The following LDLRAD4 variants were observed in gnomAD, a reference collection of about 807,000 sequenced individuals.
The protein encoded by LDLRAD4 is low-density lipoprotein receptor class A domain-containing protein 4.
LDLRAD4 carries 5 observed loss-of-function variants against 17.0 expected under a neutral mutation model. That is an observed-to-expected ratio of 0.29 (90% CI 0.15 to 0.62). The LOEUF (loss-of-function observed/expected upper bound fraction) is 0.62, where lower values mean the gene tolerates loss of function less well. Among genes scored for constraint, LDLRAD4 ranks in the 20% least tolerant of loss-of-function variants. LDLRAD4 has a pLI of 0.84. For synonymous variants in LDLRAD4, 168 were observed against 171.8 expected, an observed-to-expected ratio of 0.98 and a Z score of 0.17; for missense variants, 340 against 424.7, an observed-to-expected ratio of 0.80 and a Z score of 1.75.
At chr18:13,485,940 G>A (rs948474723) in intron 3 of LDLRAD4, among the ~76,000 whole-genome samples, 1 of 152,226 alleles carries the variant, frequency 6.6e-6, no homozygotes, top group African/African-American at 2.4e-5. Context: ...GGAAGCATCA[G>A]CTGTGGTTAA....
chr18:13,536,139 A>G (rs2094198119), intron 3 of LDLRAD4, among the ~76,000 whole-genome samples: 1 of 152,144 alleles, frequency 6.6e-6, no homozygotes, highest in African/African-American at 2.4e-5. Context: ...TTTCCTTTAC[A>G]TAGAAATTTT....
chr18:13,267,870 C>G (rs962429864), intron 1 of LDLRAD4, among the ~76,000 whole-genome samples: 10 of 152,188 alleles, frequency 6.6e-5, no homozygotes, highest in Non-Finnish European at 2.9e-5. Flanking sequence ...GTAACATGGG[C>G]AGACCAATGC....
chr18:13,525,030 C>T (rs979712493), intron 3 of LDLRAD4, among the ~76,000 whole-genome samples: 12 of 152,198 alleles, frequency 7.9e-5, no homozygotes, highest in African/African-American at 2.2e-4. Flanking sequence ...TGGGAGTGTG[C>T]GTGCGCCTTT....
chr18:13,440,498 G>T lies in LDLRAD4; in HGVS notation c.181+2114G>T, dbSNP rs531053338. Among the ~76,000 whole-genome samples the T allele has an allele frequency of 1.0e-3, 154 of 152,264 alleles. No individual in the cohort carries two copies. The highest frequency in any genetic ancestry group is 1.7e-3 in the Non-Finnish European group (117 of 68,022). ...CTGTTCAGATATGACTAGAACTTTTGTCTTTATAGCTAAAATGGGATATTA... is the reference window on the plus strand; with the variant it reads ...CTGTTCAGATATGACTAGAACTTTTTTCTTTATAGCTAAAATGGGATATTA... On this transcript the variant is annotated intron_variant, in intron 3 of 5. Transcript: ENST00000359446. This position sits in a 1 kb window ranked among gnomAD's most constrained non-coding sequence, Gnocchi z 4.4.
At chr18:13,348,055 G>A (rs984606609) in intron 1 of LDLRAD4, among the ~76,000 whole-genome samples, 2 of 152,156 alleles carry the variant, frequency 1.3e-5, no homozygotes, top group Non-Finnish European at 2.9e-5. Flanking sequence ...ATCGTCTGAA[G>A]CCTTCTTTTC....
At position 13,224,379 on chromosome 18, in the gene LDLRAD4, G is replaced by T. The variant is rs1274482662; in HGVS notation, c.-467+5391G>T. Among the ~76,000 whole-genome samples, 5 of 152,126 alleles carry T rather than the reference G, an allele frequency of 3.3e-5. No individual in the cohort carries two copies. The East Asian group carries it at 5.8e-4, about 18-fold the overall frequency. On this transcript the variant is annotated intron_variant, in intron 1 of 5. Coordinates refer to the LDLRAD4 transcript ENST00000399848. ...GAGCAGCTAACTGCCTGGGTCTGGG[G>T]GTGTGTGCTGGGAATGCCCCCACCA...
At chr18:13,531,055 G>A (rs1290500015) in intron 3 of LDLRAD4, among the ~76,000 whole-genome samples, 3 of 152,148 alleles carry the variant, frequency 2.0e-5, no homozygotes, top group Non-Finnish European at 4.4e-5. Flanking sequence ...AGGCTGGTCC[G>A]CTTGCTGGCT....
At chr18:13,299,371 A>G (rs1358886127) in intron 1 of LDLRAD4, among the ~76,000 whole-genome samples, 1 of 152,212 alleles carries the variant, frequency 6.6e-6, no homozygotes, top group African/African-American at 2.4e-5. Context: ...GGTAGCATCT[A>G]TCCTCTGCCT....
At chr18:13,366,998 C>T (rs1410755902) in intron 1 of LDLRAD4, among the ~76,000 whole-genome samples, 3 of 152,202 alleles carry the variant, frequency 2.0e-5, no homozygotes, top group Non-Finnish European at 4.4e-5. Flanking sequence ...GACTTCTGGA[C>T]AGGCAGTGCT....
At chr18:13,428,895 CA>C (rs2090133608) in intron 2 of LDLRAD4, among the ~76,000 whole-genome samples, 1 of 152,094 alleles carries the variant, frequency 6.6e-6, no homozygotes, top group Non-Finnish European at 1.5e-5. Context: ...ATACATTCCA[CA>C]AGGATATGTT....
Position 13,431,607 on chromosome 18 carries a change from A to T in LDLRAD4, c.41-6637A>T, listed in dbSNP as rs1416415095. Among the ~76,000 whole-genome samples, 3 of 152,170 alleles carry T rather than the reference A, an allele frequency of 2.0e-5. No homozygotes were observed. The East Asian group carries it at 5.8e-4, about 29-fold the overall frequency. On this transcript the variant is annotated intron_variant, in intron 2 of 5. Coordinates refer to ENST00000359446, the Ensembl canonical transcript of LDLRAD4. ...GTTGCATGTTTCACTTATGGTTCTC[A>T]TAGAATTTGAGACCCATTAAAATCA...
intron 3 of LDLRAD4, chr18:13,515,983 A>C (rs997084498): frequency 6.6e-6 from 1 of 151,998 alleles, no homozygotes; most frequent in African/African-American, 2.4e-5. Flanking sequence ...TGGCTAATTA[A>C]AAATTTTTTT....
At chr18:13,232,142 C>T (rs549900566) in intron 1 of LDLRAD4, among the ~76,000 whole-genome samples, 57 of 152,364 alleles carry the variant, frequency 3.7e-4, no homozygotes, top group African/African-American at 1.1e-3. Flanking sequence ...GAGTGTGGCG[C>T]GAGTACGGTG....
chr18:13,322,776 C>T lies in LDLRAD4; in HGVS notation c.-383+44588C>T, dbSNP rs569472886. Among the ~76,000 whole-genome samples, 23 of 144,186 alleles carry T rather than the reference C, an allele frequency of 1.6e-4. No individual in the cohort carries two copies. The South Asian group carries it at 5.0e-3, about 31-fold the overall frequency. 94.6% of individuals were successfully genotyped at this position (144,186 alleles called of 152,430 possible). On this transcript the variant is annotated intron_variant, in intron 1 of 5. Transcript: ENST00000359446. Reference sequence around the variant, plus strand: ...GGGACTACAGGTATACACCACCATACATGGCTAATTTTTTTTTTTTTTTTT... The same window carrying T: ...GGGACTACAGGTATACACCACCATATATGGCTAATTTTTTTTTTTTTTTTT...
At chr18:13,407,385 T>G (rs2087865172) in intron 2 of LDLRAD4, among the ~76,000 whole-genome samples, 1 of 152,212 alleles carries the variant, frequency 6.6e-6, no homozygotes, top group Admixed American at 6.5e-5. Context: ...CTACCCAGTG[T>G]TATAGAATGC....
At chr18:13,579,297 T>TAAACA (rs1568363876) in intron 3 of LDLRAD4, among the ~76,000 whole-genome samples, 1 of 152,348 alleles carries the variant, frequency 6.6e-6, no homozygotes, top group East Asian at 1.9e-4. Context: ...GATTATTGAA[T>TAAACA]TACAGTCATT....
chr18:13,503,264 G>A (rs2093641363), intron 3 of LDLRAD4, among the ~76,000 whole-genome samples: 1 of 152,192 alleles, frequency 6.6e-6, no homozygotes, highest in Admixed American at 6.5e-5. Context: ...TGGCAGCATT[G>A]AAAAGTGCAG....
In LDLRAD4 at chr18:13,298,487, G is replaced by A. The variant is rs1391813647; in HGVS notation, c.-383+20299G>A. On this transcript the variant is annotated intron_variant, in intron 1 of 5. Transcript: ENST00000359446. ...CTGGGCACGGTGATGGAGCTGCTCCGGGCACGGTGATGGAGCTGCTCTGGG... is the reference window on the plus strand; with the variant it reads ...CTGGGCACGGTGATGGAGCTGCTCCAGGCACGGTGATGGAGCTGCTCTGGG... 5.5e-5 allele frequency among the ~76,000 whole-genome samples: 8 copies of A among 146,256 alleles called. No homozygotes were observed. The East Asian group carries it at 1.2e-3, about 22-fold the overall frequency.
chr18:13,385,119 C>G (rs538505138), intron 1 of LDLRAD4, among the ~76,000 whole-genome samples: 250 of 152,270 alleles, frequency 1.6e-3, no homozygotes, highest in Non-Finnish European at 2.7e-3. Context: ...ACACGGGTTC[C>G]CTTTTCTCCA....
Sources: allele counts gnomAD v4.1 joint callset (sites outside exome capture counted in the v4.1 genomes callset), GRCh38; gene constraint gnomAD v4.1.1; non-coding constraint Gnocchi (gnomAD v3.1); transcripts MANE v1.5; gene names NCBI Gene and HGNC (gene_info 2026-07-23, HGNC 2026-07-21).